The following SOD2 variants were observed in gnomAD, a reference collection of about 807,000 sequenced individuals.
The protein encoded by SOD2 is superoxide dismutase 2.
SOD2 carries 11 observed loss-of-function variants against 27.0 expected under a neutral mutation model. The observed-to-expected ratio is 0.41, with a 90% CI of 0.26 to 0.67. SOD2 has a LOEUF of 0.67. Ranked by LOEUF, SOD2 falls within the 30% of genes least tolerant of loss-of-function variation. The pLI, the probability that SOD2 is intolerant of heterozygous loss-of-function variation, is 0.34. For missense variants in SOD2, 250 were observed against 274.5 expected (o/e 0.91, Z 0.63); for synonymous variants, 105 against 103.0 (o/e 1.02, Z -0.12).
chr6:159,755,011 G>T, intron 1 of SOD2: 2 of 1,581,118 alleles, frequency 1.3e-6, no homozygotes, highest in South Asian at 2.3e-5. Context: ...AAGTTGGTCT[G>T]ACTCTCCTTT....
chr6:159,707,538 A>C (rs961675972), intron 1 of SOD2, among the ~76,000 whole-genome samples: 1 of 152,350 alleles, frequency 6.6e-6, no homozygotes, highest in South Asian at 2.1e-4. Context: ...AAGTTCCAGG[A>C]CACATACACC....
chr6:159,710,259 A>C (rs1233826127), intron 1 of SOD2, among the ~76,000 whole-genome samples: 1 of 113,674 alleles, frequency 8.8e-6, no homozygotes, highest in African/African-American at 3.1e-5. Flanking sequence ...CTAGAACTTA[A>C]AGTATAAATA....
Position 159,676,486 on chromosome 6 carries a change from C to G in SOD2, c.*6007G>C, listed in dbSNP as rs528734140. 6.6e-6 allele frequency: 1 copy of G among 152,050 alleles called. No individual in the cohort carries two copies. Among genetic ancestry groups the G allele is most frequent in the East Asian group, 1.9e-4 (1 of 5,184 alleles). The allele number at this position is 152,050 out of a possible 1,614,324, so 9.4% of individuals were successfully genotyped here. A position where few individuals can be genotyped will look rare whatever the true frequency, so the allele number is the denominator to read the frequency against. On this transcript the variant is annotated 3_prime_UTR_variant, in exon 5 of 5. Transcript: ENST00000538183. ...GCTGGAAACCATCCTTCTCAGCAAA[C>G]TATTCCAAGGACAAAAAAACAAACA...
rs1473971220 is a variant in SOD2 at position 159,674,335 on chromosome 6, C to T, written c.*8158G>A. On this transcript the variant is annotated 3_prime_UTR_variant, in exon 5 of 5. Transcript: ENST00000538183. ...CCAATATCCCTGATGAAAATCAATG[C>T]AAAAATCCTCAATAAAATACTGGCA... is the stretch of plus-strand genomic sequence containing the variant. The T allele has an allele frequency of 1.3e-5, 2 of 152,124 alleles. No individual in the cohort carries two copies. The highest frequency in any genetic ancestry group is 1.3e-4 in the Admixed American group (2 of 15,268). The allele number at this position is 152,124 out of a possible 1,614,324, so 9.4% of individuals were successfully genotyped here. A position where few individuals can be genotyped will look rare whatever the true frequency, so the allele number is the denominator to read the frequency against.
At chr6:159,718,071 T>C (rs1777957693) in intron 1 of SOD2, among the ~76,000 whole-genome samples, 1 of 152,018 alleles carries the variant, frequency 6.6e-6, no homozygotes, top group African/African-American at 2.4e-5. Flanking sequence ...TAGCTCACTA[T>C]AGCCTTGAAC....
intron 1 of SOD2, among the ~76,000 whole-genome samples, chr6:159,718,042 G>C (rs535418576): frequency 2.0e-5 from 3 of 151,650 alleles, no homozygotes; most frequent in Non-Finnish European, 4.4e-5. Flanking sequence ...ACCCAGGCTG[G>C]AATGCAGAGG....
rs1029823157 is a variant in SOD2, at chr6:159,677,873, C to G, written c.*4620G>C. 1 of 152,178 alleles carries G rather than the reference C, an allele frequency of 6.6e-6. No individual in the cohort carries two copies. Among genetic ancestry groups the G allele is most frequent in the Non-Finnish European group, 1.5e-5 (1 of 68,034 alleles). The allele number at this position is 152,178 out of a possible 1,614,324, so 9.4% of individuals were successfully genotyped here. A position where few individuals can be genotyped will look rare whatever the true frequency, so the allele number is the denominator to read the frequency against. ...TCAATCCTTGCTTGGTCTCTTGGCTCCTAAACCCCTTGAAGTATCTTTGGT... is the reference window on the plus strand; with the variant it reads ...TCAATCCTTGCTTGGTCTCTTGGCTGCTAAACCCCTTGAAGTATCTTTGGT... On this transcript the variant is annotated 3_prime_UTR_variant, in exon 5 of 5. Coordinates refer to ENST00000538183, the MANE Select transcript of SOD2 (RefSeq NM_000636.4).
intron 1 of SOD2, chr6:159,726,784 C>A (rs73599377): frequency 3.1e-6 from 4 of 1,288,958 alleles, no homozygotes; most frequent in Non-Finnish European, 4.0e-6. Context: ...ACGAACCCAG[C>A]GGCCAGGAGA....
intron 1 of SOD2, among the ~76,000 whole-genome samples, chr6:159,712,275 ACATT>A: frequency 3.6e-5 from 5 of 139,734 alleles, no homozygotes; most frequent in Non-Finnish European, 1.6e-5. Flanking sequence ...ACCACCACTC[ACATT>A]GCTCTGATCA....
At chr6:159,722,958 C>G (rs1413419774) in intron 1 of SOD2, among the ~76,000 whole-genome samples, 1 of 152,220 alleles carries the variant, frequency 6.6e-6, no homozygotes, top group Non-Finnish European at 1.5e-5. Context: ...TTATGCCCAT[C>G]CAGAGAAAGC....
In SOD2 at chr6:159,682,534, A is replaced by T. The variant is rs1006857286; in HGVS notation, c.628T>A (p.Trp210Arg). 1.9e-6 allele frequency: 3 copies of T among 1,613,986 alleles called. No individual in the cohort carries two copies. In the Admixed American group the frequency reaches 5.0e-5, roughly 27 times the overall value. Residue 210 changes from tryptophan to arginine, a missense_variant, in exon 5 of 5, where the codon TGG (tryptophan) becomes AGG (arginine). Coordinates refer to ENST00000538183, the MANE Select transcript of SOD2 (RefSeq NM_000636.4). ...YLKAIWNVIN[W>R]ENVTERYMAC... ...ATGTATCTTTCAGTTACATTCTCCC[A>T]GTTGATTACATTCCAAATAGCTTTT...
intron 1 of SOD2, among the ~76,000 whole-genome samples, chr6:159,733,848 G>A (rs1473672565): frequency 6.6e-6 from 1 of 152,126 alleles, no homozygotes; most frequent in Non-Finnish European, 1.5e-5. Context: ...CCCAGGAGGC[G>A]GAGGTTGCGG....
chr6:159,712,618 G>A (rs1170095782), intron 1 of SOD2, among the ~76,000 whole-genome samples: 1 of 142,698 alleles, frequency 7.0e-6, no homozygotes, highest in Non-Finnish European at 1.5e-5. Context: ...CAGCTGCTCT[G>A]ACCTCCATAA....
Position 159,744,585 on chromosome 6 carries a change from T to TTCCCTG in SOD2, c.-116+544_-116+545insCAGGGA, listed in dbSNP as rs557753867. On this transcript the variant is annotated intron_variant, in intron 1 of 3. Transcript: ENST00000537657. The stretch of plus-strand genomic sequence containing the variant: ...TAAGGTTCAGTCACAGTCCTTTTAC[T>TTCCCTG]TCCCTTACAGAGATTGTTTAAATTT... Among the ~76,000 whole-genome samples, 91 of 152,370 alleles carry TTCCCTG rather than the reference T, an allele frequency of 6.0e-4. No individual in the cohort carries two copies. The East Asian group carries it at 0.015, about 25-fold the overall frequency.
intron 1 of SOD2, chr6:159,727,030 G>T: frequency 8.1e-7 from 1 of 1,232,014 alleles, no homozygotes; most frequent in Non-Finnish European, 1.0e-6. Context: ...CGCAGCCGCA[G>T]GTGGCCCCGG....
chr6:159,695,124 T>C (rs569901379), upstream of SOD2, among the ~76,000 whole-genome samples: 26 of 152,164 alleles, frequency 1.7e-4, no homozygotes, highest in Admixed American at 1.7e-3. Flanking sequence ...GCACTAGCTA[T>C]GAGAACTGGA....
In SOD2 at chr6:159,685,145, GACA is replaced by G. The variant is rs1408327107; in HGVS notation, c.344-115_344-113del. The G allele has an allele frequency of 6.5e-5, 27 of 415,418 alleles. 1 individual carries two copies. In the East Asian group the frequency reaches 1.4e-3, roughly 21 times the overall value. The allele number at this position is 415,418 out of a possible 1,614,324, so 25.7% of individuals were successfully genotyped here. A position where few individuals can be genotyped will look rare whatever the true frequency, so the allele number is the denominator to read the frequency against. On this transcript the variant is annotated intron_variant, in intron 3 of 4. Coordinates refer to ENST00000538183, the MANE Select transcript of SOD2 (RefSeq NM_000636.4). ...TTTTGTCATAGGGCCCAAGAAATTA[GACA>G]ACATCAGAATGCGACACCTGGATCT...
chr6:159,718,899 T>C (rs75838138), intron 1 of SOD2, among the ~76,000 whole-genome samples: 2,330 of 152,340 alleles, frequency 0.015, 73 homozygotes, highest in African/African-American at 0.053. Context: ...ATGGTCATAG[T>C]CACACCAGAC....
chr6:159,727,283 G>A (rs1778229195), exon 1 of SOD2: 3 of 1,282,738 alleles, frequency 2.3e-6, no homozygotes, highest in Admixed American at 4.7e-5. Flanking sequence ...CTCCTGGCGG[G>A]GTTCGGCGGC....
Sources: allele counts gnomAD v4.1 joint callset (sites outside exome capture counted in the v4.1 genomes callset), GRCh38; gene constraint gnomAD v4.1.1; transcripts MANE v1.5; gene names NCBI Gene and HGNC (gene_info 2026-07-23, HGNC 2026-07-21).